Variants in CNTN4 observed in about 807,000 individuals in gnomAD.
CNTN4 encodes the protein contactin 4, also known as contactin-4.
Under a neutral mutation model 122.5 loss-of-function variants are expected in CNTN4, and 77 were observed. That is an observed-to-expected ratio of 0.63 (90% CI 0.52 to 0.76). The LOEUF (loss-of-function observed/expected upper bound fraction) is 0.76. Ranked by LOEUF, CNTN4 falls within the 30% of genes least tolerant of loss-of-function variation. The probability of loss-of-function intolerance (pLI) is 0.00; values close to 1 mark genes in which losing one functional copy is unlikely to be tolerated. For synonymous variants in CNTN4, 512 were observed against 447.0 expected (o/e 1.15, Z -1.83); for missense variants, 1,256 against 1,259.1 (o/e 1.00, Z 0.04).
At chr3:2,293,482 C>G (rs2042203397) in intron 2 of CNTN4, among the ~76,000 whole-genome samples, 1 of 152,184 alleles carries the variant, frequency 6.6e-6, no homozygotes, top group East Asian at 1.9e-4. Context: ...CACTTACTAA[C>G]TAATGACTTT....
intron 4 of CNTN4, among the ~76,000 whole-genome samples, chr3:2,677,712 A>C (rs970394894): frequency 2.6e-5 from 4 of 152,134 alleles, no homozygotes; most frequent in Admixed American, 6.5e-5. Flanking sequence ...GGCAGCAGGC[A>C]GGCACTCTAG....
rs185358623 is a variant in CNTN4 at position 2,425,161 on chromosome 3, A to G, written c.-89+85928A>G. 3.9e-3 allele frequency among the ~76,000 whole-genome samples: 590 copies of G among 152,252 alleles called. 1 individual carries two copies. The highest frequency in any genetic ancestry group is 6.2e-3 in the Non-Finnish European group (419 of 68,024). On this transcript the variant is annotated intron_variant, in intron 3 of 24. Transcript: ENST00000418658. ...GTGCTTGCCCATTCCTATGTCCTGA[A>G]TCGTATTGCCTAGGTTTTCTTCTAG...
chr3:2,836,757 A>G (rs963200428), intron 7 of CNTN4, among the ~76,000 whole-genome samples: 1 of 133,958 alleles, frequency 7.5e-6, no homozygotes. Context: ...AAGAGTAAAA[A>G]GATACTTCTG....
intron 14 of CNTN4, among the ~76,000 whole-genome samples, chr3:3,005,281 T>C (rs1696505121): frequency 6.6e-6 from 1 of 152,206 alleles, no homozygotes; most frequent in Admixed American, 6.5e-5. Context: ...GCAATATGGA[T>C]AGGCTGAGAT....
chr3:3,045,227 A>C (rs6442774), intron 23 of CNTN4, among the ~76,000 whole-genome samples: 39,534 of 152,204 alleles, frequency 0.26, 5,419 homozygotes, highest in Middle Eastern at 0.34. Context: ...AACAAAAGGC[A>C]GCAGAAACCT....
chr3:2,289,386 T>G (rs1248658197), intron 2 of CNTN4, among the ~76,000 whole-genome samples: 1 of 152,190 alleles, frequency 6.6e-6, no homozygotes, highest in African/African-American at 2.4e-5. Context: ...TATGTTTAGT[T>G]TTCTCATCTG....
At chr3:2,182,030 CAA>C (rs2037039344) in intron 2 of CNTN4, among the ~76,000 whole-genome samples, 1 of 151,980 alleles carries the variant, frequency 6.6e-6, no homozygotes. Flanking sequence ...CCTGAGAAAA[CAA>C]TATAATAGAA....
intron 2 of CNTN4, among the ~76,000 whole-genome samples, chr3:2,272,571 G>T (rs1486742563): frequency 6.6e-6 from 1 of 152,126 alleles, no homozygotes; most frequent in Non-Finnish European, 1.5e-5. Flanking sequence ...CCTACCAAAA[G>T]ATATGAGAAT....
chr3:2,466,518 A>C (rs2075502645), intron 3 of CNTN4, among the ~76,000 whole-genome samples: 1 of 152,196 alleles, frequency 6.6e-6, no homozygotes, highest in South Asian at 2.1e-4. Flanking sequence ...TTTGTAAAGT[A>C]CATTTTTAAA....
At chr3:2,240,224 G>C (rs1464446070) in intron 2 of CNTN4, among the ~76,000 whole-genome samples, 1 of 152,082 alleles carries the variant, frequency 6.6e-6, no homozygotes, top group East Asian at 1.9e-4. Context: ...ATTATTTTCA[G>C]TTGGCTTTCA....
intron 3 of CNTN4, among the ~76,000 whole-genome samples, chr3:2,386,018 T>C (rs1460089025): frequency 6.6e-6 from 1 of 152,092 alleles, no homozygotes; most frequent in African/African-American, 2.4e-5. Flanking sequence ...AGGAATTACG[T>C]CTTACTATAC....
At chr3:2,631,865 C>CAAAAAAAAAAAAAAA (rs1157671569) in intron 4 of CNTN4, among the ~76,000 whole-genome samples, 11 of 70,168 alleles carry the variant, frequency 1.6e-4, no homozygotes, top group South Asian at 5.0e-4. Flanking sequence ...CGTATCTCTA[C>CAAAAAAAAAAAAAAA]AAAAAAAAAA....
chr3:2,676,096 T>A (rs905662961), intron 4 of CNTN4, among the ~76,000 whole-genome samples: 1 of 152,184 alleles, frequency 6.6e-6, no homozygotes, highest in Admixed American at 6.5e-5. Flanking sequence ...CTGAACAAAT[T>A]ACTGTTTATA....
chr3:2,947,525 AGT>A (rs2151563748), intron 13 of CNTN4, among the ~76,000 whole-genome samples: 1 of 152,328 alleles, frequency 6.6e-6, no homozygotes, highest in African/African-American at 2.4e-5. Flanking sequence ...ATAATAGTAC[AGT>A]GTTCTTTTTA....
At chr3:2,555,795 G>T (rs1429266890) in intron 3 of CNTN4, among the ~76,000 whole-genome samples, 1 of 152,162 alleles carries the variant, frequency 6.6e-6, no homozygotes, top group Non-Finnish European at 1.5e-5. Context: ...TGTAAGGTAG[G>T]TGGAAAGTTG....
chr3:2,568,545 A>G (rs2079283492), intron 3 of CNTN4, among the ~76,000 whole-genome samples: 1 of 152,098 alleles, frequency 6.6e-6, no homozygotes, highest in Non-Finnish European at 1.5e-5. Context: ...GGGGAGATCT[A>G]TTGCCACCAT....
intron 13 of CNTN4, among the ~76,000 whole-genome samples, chr3:2,927,077 C>T (rs2094479793): frequency 6.6e-6 from 1 of 151,904 alleles, no homozygotes; most frequent in Non-Finnish European, 1.5e-5. Flanking sequence ...CTAGTATGTA[C>T]CACATGTATT....
At chr3:2,627,191 G>A (rs924298091) in intron 4 of CNTN4, among the ~76,000 whole-genome samples, 5 of 152,118 alleles carry the variant, frequency 3.3e-5, no homozygotes, top group African/African-American at 1.2e-4. Flanking sequence ...TACTTTGAGG[G>A]CAAGGACTAT....
intron 3 of CNTN4, among the ~76,000 whole-genome samples, chr3:2,341,854 A>T (rs533890995): frequency 6.6e-6 from 1 of 152,362 alleles, no homozygotes; most frequent in East Asian, 1.9e-4. Context: ...ATCCTGGACA[A>T]TGCATTTCCA....
Sources: gnomAD v4.1 joint callset for allele counts (sites outside exome capture counted in the v4.1 genomes callset) on GRCh38, gnomAD v4.1.1 for gene constraint, MANE v1.5 for transcripts, NCBI Gene and HGNC (gene_info 2026-07-23, HGNC 2026-07-21) for gene names.